The following SBF2 variants were observed in gnomAD, a reference collection of about 807,000 sequenced individuals.
The protein encoded by SBF2 is myotubularin-related protein 13.
A neutral mutation model predicts 225.2 loss-of-function variants in SBF2; 112 were observed. The ratio of observed to expected loss-of-function variants is 0.50; its 90% CI spans 0.43 to 0.58. The LOEUF is 0.58. Among genes scored for constraint, SBF2 ranks in the 20% least tolerant of loss-of-function variants. The probability of loss-of-function intolerance (pLI) is 0.00; values close to 1 mark genes in which losing one functional copy is unlikely to be tolerated. For synonymous variants in SBF2, 763 were observed against 773.3 expected (o/e 0.99, Z 0.22); for missense variants, 1,996 against 2,206.2 (o/e 0.90, Z 1.91).
chr11:10,069,749 T>C lies in SBF2; in HGVS notation c.142-26768A>G, dbSNP rs192139684. Among the ~76,000 whole-genome samples, 29 of 152,342 alleles carry C rather than the reference T, an allele frequency of 1.9e-4. No homozygotes were observed. The East Asian group carries it at 5.4e-3, about 28-fold the overall frequency. On this transcript the variant is annotated intron_variant, in intron 2 of 39. Coordinates refer to ENST00000256190, the MANE Select transcript of SBF2 (RefSeq NM_030962.4). Reference sequence around the variant, plus strand: ...GGAATCACCAAACTGTCTTCCACAATGGCTGAACTAATTTATACTCCCACC... The same window carrying C: ...GGAATCACCAAACTGTCTTCCACAACGGCTGAACTAATTTATACTCCCACC...
intron 13 of SBF2, among the ~76,000 whole-genome samples, chr11:9,987,792 T>C (rs1405920187): frequency 6.6e-6 from 1 of 151,952 alleles, no homozygotes; most frequent in East Asian, 1.9e-4. Context: ...TGGAAACACA[T>C]CCCATGCTCA....
chr11:10,277,132 C>CAA lies in SBF2; in HGVS notation c.55+16881_55+16882dup, dbSNP rs11310738. ...TGGGCAACAGAGCGAGACCCCATCT[C>CAA]AAAAAAAAAAAAAAAAAAAAAAAAG... is the stretch of plus-strand genomic sequence containing the variant. On this transcript the variant is annotated intron_variant, in intron 1 of 39. Transcript: ENST00000256190. 4.4e-3 allele frequency among the ~76,000 whole-genome samples: 320 copies of CAA among 72,588 alleles called. 1 individual carries two copies. The highest frequency in any genetic ancestry group is 7.3e-3 in the African/African-American group (127 of 17,398). 47.6% of individuals were successfully genotyped at this position (72,588 alleles called of 152,430 possible).
At chr11:10,071,294 T>G (rs1250835234) in intron 2 of SBF2, among the ~76,000 whole-genome samples, 1 of 124,724 alleles carries the variant, frequency 8.0e-6, no homozygotes. Context: ...TGAGAGGGAG[T>G]CTCACTCTGT....
At chr11:10,214,065 C>A (rs1192470218) in intron 1 of SBF2, among the ~76,000 whole-genome samples, 1 of 152,120 alleles carries the variant, frequency 6.6e-6, no homozygotes, top group South Asian at 2.1e-4. Flanking sequence ...AAAATTTAGC[C>A]CTGCAGTTTA....
intron 1 of SBF2, among the ~76,000 whole-genome samples, chr11:10,207,488 C>G (rs1303444101): frequency 6.6e-6 from 1 of 152,084 alleles, no homozygotes; most frequent in African/African-American, 2.4e-5. Context: ...TGGCTCTAAA[C>G]CTCTTCCCAG....
intron 17 of SBF2, among the ~76,000 whole-genome samples, chr11:9,894,645 C>G (rs991318368): frequency 6.6e-6 from 1 of 151,848 alleles, no homozygotes; most frequent in African/African-American, 2.4e-5. Flanking sequence ...GATTGTGCCA[C>G]TGCACTACAG....
At position 9,998,175 on chromosome 11, in the gene SBF2, AC is replaced by A. The variant is rs1457546246; in HGVS notation, c.975+90del. On this transcript the variant is annotated intron_variant, in intron 9 of 39. Transcript: ENST00000256190. ...ATATAGCTCTCTTTAAATTAAAGTA[AC>A]AAACTGCATTGACAAACATTTTTAA... 1.3e-5 allele frequency: 10 copies of A among 767,192 alleles called. No homozygotes were observed. The East Asian group carries it at 2.6e-4, about 20-fold the overall frequency. The allele number at this position is 767,192 out of a possible 1,614,324, so 47.5% of individuals were successfully genotyped here. A position where few individuals can be genotyped will look rare whatever the true frequency, so the allele number is the denominator to read the frequency against.
intron 16 of SBF2, among the ~76,000 whole-genome samples, chr11:9,955,291 CCA>C (rs1464500270): frequency 6.6e-6 from 1 of 151,766 alleles, no homozygotes; most frequent in African/African-American, 2.4e-5. Context: ...AAATATCCTT[CCA>C]GATTTTTACT....
intron 1 of SBF2, among the ~76,000 whole-genome samples, chr11:10,211,982 A>G (rs1384597471): frequency 2.0e-5 from 3 of 152,200 alleles, no homozygotes; most frequent in Non-Finnish European, 4.4e-5. Context: ...TCCAAAATGT[A>G]TCTATCTTCT....
intron 1 of SBF2, among the ~76,000 whole-genome samples, chr11:10,232,154 G>A (rs946595592): frequency 6.6e-6 from 1 of 152,192 alleles, no homozygotes; most frequent in Non-Finnish European, 1.5e-5. Flanking sequence ...AAGCCCATTG[G>A]AAAAGCACAG....
chr11:10,000,150 A>T (rs563611441), intron 8 of SBF2, among the ~76,000 whole-genome samples: 74 of 152,368 alleles, frequency 4.9e-4, no homozygotes, highest in Non-Finnish European at 8.8e-4. Context: ...ATCTGTTTCT[A>T]TAGCCACTTC....
Position 9,870,058 on chromosome 11 carries a change from C to T in SBF2, c.1930-11662G>A, listed in dbSNP as rs186823719. Reference sequence around the variant, plus strand: ...AATCAGTAGCATTCCTATATACCAACAACAGGCAAGCAGAGAGCCAAATCA... The same window carrying T: ...AATCAGTAGCATTCCTATATACCAATAACAGGCAAGCAGAGAGCCAAATCA... On this transcript the variant is annotated intron_variant, in intron 17 of 39. Coordinates refer to ENST00000256190, the MANE Select transcript of SBF2 (RefSeq NM_030962.4). Among the ~76,000 whole-genome samples the T allele has an allele frequency of 4.2e-3, 632 of 152,144 alleles. 6 individuals carry two copies. Among genetic ancestry groups the T allele is most frequent in the African/African-American group, 0.015 (608 of 41,506 alleles).
intron 1 of SBF2, among the ~76,000 whole-genome samples, chr11:10,204,624 C>T (rs1162871606): frequency 6.7e-6 from 1 of 149,744 alleles, no homozygotes; most frequent in Non-Finnish European, 1.5e-5. Flanking sequence ...TGCCACTACA[C>T]TCCAGCCTGG....
intron 1 of SBF2, among the ~76,000 whole-genome samples, chr11:10,279,025 G>A (rs1199187883): frequency 1.4e-5 from 2 of 146,312 alleles, no homozygotes; most frequent in Non-Finnish European, 1.5e-5. Context: ...CTGAGGCCAT[G>A]AGTTTGAGGC....
At chr11:10,284,611 G>C (rs1018920596) in intron 1 of SBF2, among the ~76,000 whole-genome samples, 2 of 151,878 alleles carry the variant, frequency 1.3e-5, no homozygotes, top group African/African-American at 4.8e-5. Context: ...TTTTGAGACG[G>C]GATCTTGTTC....
intron 2 of SBF2, among the ~76,000 whole-genome samples, chr11:10,113,402 T>C (rs920064083): frequency 4.6e-5 from 7 of 152,162 alleles, no homozygotes; most frequent in Non-Finnish European, 8.8e-5. Context: ...AATATAAAAA[T>C]ATAAACAAAC....
chr11:9,795,806 G>T, intron 33 of SBF2, 25 bp downstream of exon 33: 1 of 1,611,118 alleles, frequency 6.2e-7, no homozygotes, highest in Non-Finnish European at 8.5e-7. Flanking sequence ...CAAAAAAGAT[G>T]AAACAAGGGC....
chr11:9,884,978 T>A (rs149185600), intron 17 of SBF2, among the ~76,000 whole-genome samples: 1 of 152,212 alleles, frequency 6.6e-6, no homozygotes, highest in East Asian at 1.9e-4. Flanking sequence ...TGGCCTGGCA[T>A]GGTGGCTCAC....
chr11:9,912,324 C>A (rs1246917403), intron 16 of SBF2, among the ~76,000 whole-genome samples: 1 of 149,486 alleles, frequency 6.7e-6, no homozygotes, highest in Admixed American at 6.8e-5. Flanking sequence ...CGGTGGCTCA[C>A]GCCTGTAATT....
Sources: allele counts gnomAD v4.1 joint callset (sites outside exome capture counted in the v4.1 genomes callset), GRCh38; gene constraint gnomAD v4.1.1; transcripts MANE v1.5; gene names NCBI Gene and HGNC (gene_info 2026-07-23, HGNC 2026-07-21).